Variants in NDUFAF2 observed in about 807,000 individuals in gnomAD.
NDUFAF2 encodes NADH:ubiquinone oxidoreductase complex assembly factor 2.
Under a neutral mutation model 22.8 loss-of-function variants are expected in NDUFAF2, and 13 were observed. The ratio of observed to expected loss-of-function variants is 0.57; its 90% CI spans 0.37 to 0.91. NDUFAF2 has a LOEUF of 0.91. Ranked by LOEUF, NDUFAF2 falls within the 40% of genes least tolerant of loss-of-function variation. NDUFAF2 has a pLI of 0.01. For missense variants in NDUFAF2, 162 were observed against 195.2 expected (o/e 0.83, Z 1.01); for synonymous variants, 53 against 64.2 (o/e 0.83, Z 0.84).
chr5:61,111,604 GT>G (rs1428985663), intron 3 of NDUFAF2, among the ~76,000 whole-genome samples: 2 of 150,968 alleles, frequency 1.3e-5, no homozygotes, highest in Non-Finnish European at 3.0e-5. Context: ...ACACAGCTAG[GT>G]TTTTTTTGTT....
chr5:61,009,652 T>C (rs1751418826), intron 1 of NDUFAF2, among the ~76,000 whole-genome samples: 1 of 152,098 alleles, frequency 6.6e-6, no homozygotes, highest in Admixed American at 6.6e-5. Context: ...TTGGGCTAAT[T>C]AGAGCTCTGT....
intron 3 of NDUFAF2, among the ~76,000 whole-genome samples, chr5:61,104,970 C>G (rs1752745001): frequency 6.6e-6 from 1 of 151,988 alleles, no homozygotes; most frequent in Non-Finnish European, 1.5e-5. Context: ...AATAGCCTTA[C>G]GAATTGTAAT....
intron 3 of NDUFAF2, among the ~76,000 whole-genome samples, chr5:61,136,099 G>A (rs1018718348): frequency 7.0e-6 from 1 of 143,218 alleles, no homozygotes; most frequent in South Asian, 2.2e-4. Flanking sequence ...ATTTAGGATT[G>A]TTCCTTTTCT....
intron 1 of NDUFAF2, among the ~76,000 whole-genome samples, chr5:60,986,816 C>T (rs917790414): frequency 6.6e-6 from 1 of 151,692 alleles, no homozygotes; most frequent in Non-Finnish European, 1.5e-5. Flanking sequence ...CCTGCAATCC[C>T]AGCTATTCAG....
At chr5:61,119,020 A>C (rs1752945668) in intron 3 of NDUFAF2, among the ~76,000 whole-genome samples, 1 of 152,184 alleles carries the variant, frequency 6.6e-6, no homozygotes, top group African/African-American at 2.4e-5. Flanking sequence ...TTATTTTAAA[A>C]GAATATACCG....
At chr5:61,064,453 C>T (rs1752204906) in intron 1 of NDUFAF2, among the ~76,000 whole-genome samples, 1 of 152,106 alleles carries the variant, frequency 6.6e-6, no homozygotes, top group African/African-American at 2.4e-5. Context: ...ACATTTTGCT[C>T]TAGCACACAT....
At chr5:61,141,034 G>C (rs915117798) in intron 3 of NDUFAF2, among the ~76,000 whole-genome samples, 4 of 152,052 alleles carry the variant, frequency 2.6e-5, no homozygotes, top group African/African-American at 9.7e-5. Flanking sequence ...TGGAGACCAG[G>C]CTGACCAACA....
intron 1 of NDUFAF2, among the ~76,000 whole-genome samples, chr5:61,050,980 T>C (rs1752017441): frequency 6.6e-6 from 1 of 152,184 alleles, no homozygotes; most frequent in Non-Finnish European, 1.5e-5. Context: ...AGACTGAGAA[T>C]ATTTGCTTTT....
intron 1 of NDUFAF2, among the ~76,000 whole-genome samples, chr5:61,029,563 C>G (rs1182775326): frequency 2.6e-5 from 4 of 151,934 alleles, no homozygotes. Context: ...TTTCCTGGCT[C>G]TGAAAGCACA....
At position 61,093,213 on chromosome 5, in the gene NDUFAF2, T is replaced by C. The variant is rs77644395; in HGVS notation, c.218-5779T>C. 5.4e-3 allele frequency among the ~76,000 whole-genome samples: 824 copies of C among 152,336 alleles called. 10 individuals are homozygous for C. The highest frequency in any genetic ancestry group is 0.019 in the African/African-American group (792 of 41,572). On this transcript the variant is annotated intron_variant, in intron 2 of 3. Transcript: ENST00000296597. Reference sequence around the variant, plus strand: ...GCTGATTAGATGGTACCCACCCAGATTGAAAGTTGTTCTGCCTCTCCCAGT... The same window carrying C: ...GCTGATTAGATGGTACCCACCCAGACTGAAAGTTGTTCTGCCTCTCCCAGT...
At chr5:60,979,631 C>T (rs192904805) in intron 1 of NDUFAF2, among the ~76,000 whole-genome samples, 19 of 152,222 alleles carry the variant, frequency 1.2e-4, no homozygotes, top group East Asian at 1.9e-4. Context: ...GCTCAGGTGC[C>T]GGCTCAGCCA....
At position 61,105,915 on chromosome 5, in the gene NDUFAF2, A is replaced by G. The variant is rs1579832454; in HGVS notation, c.258+6883A>G. On this transcript the variant is annotated intron_variant, in intron 3 of 3. Coordinates refer to ENST00000296597, the MANE Select transcript of NDUFAF2 (RefSeq NM_174889.5). ...AGTGAAACTGAGAAGAATGAATCCT[A>G]ATCTGGCAAGGGAGAAATCTGAGAA... Among the ~76,000 whole-genome samples the G allele has an allele frequency of 1.3e-5, 2 of 151,430 alleles. 1 individual carries two copies. Among genetic ancestry groups the G allele is most frequent in the African/African-American group, 4.9e-5 (2 of 40,782 alleles).
At chr5:61,095,935 G>T (rs534703075) in intron 2 of NDUFAF2, among the ~76,000 whole-genome samples, 1 of 152,116 alleles carries the variant, frequency 6.6e-6, no homozygotes, top group East Asian at 1.9e-4. Context: ...ATATTTACTC[G>T]CCCCTTTGGT....
intron 1 of NDUFAF2, among the ~76,000 whole-genome samples, chr5:60,971,590 C>T (rs1226717863): frequency 1.3e-5 from 2 of 151,850 alleles, no homozygotes; most frequent in Non-Finnish European, 2.9e-5. Context: ...CCCGGCATAT[C>T]CCCTAATGCT....
intron 1 of NDUFAF2, among the ~76,000 whole-genome samples, chr5:60,983,838 G>A (rs1202619755): frequency 1.3e-5 from 2 of 152,108 alleles, no homozygotes; most frequent in Non-Finnish European, 2.9e-5. Context: ...GTAGCATGAT[G>A]CCTCCAGCTT....
intron 2 of NDUFAF2, among the ~76,000 whole-genome samples, chr5:61,081,969 G>A (rs913107562): frequency 1.3e-5 from 2 of 152,230 alleles, no homozygotes; most frequent in African/African-American, 4.8e-5. Flanking sequence ...GCAGGGCACT[G>A]CACTGCCAAA....
At chr5:61,002,406 C>T (rs1216812713) in intron 1 of NDUFAF2, among the ~76,000 whole-genome samples, 1 of 151,964 alleles carries the variant, frequency 6.6e-6, no homozygotes, top group Non-Finnish European at 1.5e-5. Context: ...ATCCTGAAAA[C>T]GTGATTTTAT....
At chr5:61,072,682 T>C (rs1752314627) in intron 1 of NDUFAF2, among the ~76,000 whole-genome samples, 1 of 152,162 alleles carries the variant, frequency 6.6e-6, no homozygotes, top group Non-Finnish European at 1.5e-5. Flanking sequence ...CTGCAGCCTC[T>C]GCCTCCCGGG....
chr5:61,059,214 T>G (rs1752134636), intron 1 of NDUFAF2, among the ~76,000 whole-genome samples: 1 of 152,076 alleles, frequency 6.6e-6, no homozygotes. Context: ...GACTATTCAG[T>G]GTATATTTGT....
Sources: allele counts gnomAD v4.1 joint callset (sites outside exome capture counted in the v4.1 genomes callset), GRCh38; gene constraint gnomAD v4.1.1; transcripts MANE v1.5; gene names NCBI Gene and HGNC (gene_info 2026-07-23, HGNC 2026-07-21).